Variants in PLEKHA6 observed in about 807,000 individuals in gnomAD.
PLEKHA6 encodes pleckstrin homology domain-containing family A member 6.
In PLEKHA6, 60 loss-of-function variants were observed where a neutral mutation model predicts 116.7. The ratio of observed to expected loss-of-function variants is 0.51; its 90% CI spans 0.42 to 0.64. The LOEUF (loss-of-function observed/expected upper bound fraction) is 0.64. Among genes scored for constraint, PLEKHA6 ranks in the 30% least tolerant of loss-of-function variants. PLEKHA6 has a pLI of 0.00. For missense variants in PLEKHA6, 1,338 were observed against 1,422.7 expected (o/e 0.94, Z 0.96); for synonymous variants, 489 against 556.1 (o/e 0.88, Z 1.70).
chr1:204,323,112 C>G (rs938475797), intron 1 of PLEKHA6, among the ~76,000 whole-genome samples: 4 of 152,256 alleles, frequency 2.6e-5, no homozygotes, highest in African/African-American at 9.6e-5. Flanking sequence ...CAGGCATTAA[C>G]TGTGTATCTA....
At chr1:204,352,329 C>G (rs1336957269) in intron 1 of PLEKHA6, among the ~76,000 whole-genome samples, 1 of 151,356 alleles carries the variant, frequency 6.6e-6, no homozygotes, top group African/African-American at 2.4e-5. Flanking sequence ...GAGCCAAGAT[C>G]GCACCACTGC....
chr1:204,280,491 G>T (rs1668485865), intron 1 of PLEKHA6: 51 of 982,052 alleles, frequency 5.2e-5, no homozygotes, highest in Non-Finnish European at 6.2e-5. Flanking sequence ...CATTTCCATA[G>T]CTCCTGAGAA....
chr1:204,297,288 T>A, intron 1 of PLEKHA6: 8 of 800,286 alleles, frequency 1.0e-5, no homozygotes, highest in Non-Finnish European at 1.2e-5. Context: ...TTTCTCTTGT[T>A]GGAAAGTCTC....
intron 13 of PLEKHA6, among the ~76,000 whole-genome samples, chr1:204,246,390 G>C (rs1263577257): frequency 6.6e-6 from 1 of 152,118 alleles, no homozygotes; most frequent in African/African-American, 2.4e-5. Context: ...GGTCTATTTG[G>C]ACCCGAAGTT....
chr1:204,315,528 G>A (rs943178141), intron 1 of PLEKHA6, among the ~76,000 whole-genome samples: 21 of 152,126 alleles, frequency 1.4e-4, no homozygotes, highest in Admixed American at 3.3e-4. Flanking sequence ...GGTGGACACC[G>A]TGTTAGGGCT....
intron 3 of PLEKHA6, among the ~76,000 whole-genome samples, chr1:204,272,619 C>T (rs1258011548): frequency 6.6e-6 from 1 of 152,094 alleles, no homozygotes; most frequent in African/African-American, 2.4e-5. Flanking sequence ...TCCCTCAAGC[C>T]CCTCCCCAGT....
At chr1:204,289,084 G>A (rs1486707823) in intron 1 of PLEKHA6, among the ~76,000 whole-genome samples, 2 of 152,244 alleles carry the variant, frequency 1.3e-5, no homozygotes, top group South Asian at 4.1e-4. Context: ...GAGCAGCGCC[G>A]GGCTTGTGAG....
intron 9 of PLEKHA6, chr1:204,251,560 A>G: frequency 1.4e-6 from 1 of 702,776 alleles, no homozygotes; most frequent in Non-Finnish European, 2.6e-6. Flanking sequence ...CTGGGGGAGG[A>G]GTTTTCCACC....
At chr1:204,278,680 T>A (rs1668274765) in intron 1 of PLEKHA6, among the ~76,000 whole-genome samples, 3 of 152,206 alleles carry the variant, frequency 2.0e-5, no homozygotes, top group South Asian at 2.1e-4. Context: ...ATCCAGAAGG[T>A]CAATATATTC....
rs574339154 is a variant in PLEKHA6 at position 204,245,638 on chromosome 1, C to T, written c.2009G>A (p.Gly670Asp). 1.8e-5 allele frequency: 29 copies of T among 1,612,244 alleles called. No homozygotes were observed. In the East Asian group the frequency reaches 4.7e-4, roughly 26 times the overall value. Reference protein sequence around the residue: ...EGLRKNNPSRGTDTAKHRGGL... With the variant: ...EGLRKNNPSRDTDTAKHRGGL... ...ACCTCTGTGCTTGGCGGTGTCCGTG[C>T]CCCGGGAGGGGTTGTTCTTCCTCAG... The change falls in exon 14 of 23, where the codon GGC becomes GAC. Residue 670 changes from glycine (G) to aspartate (D), a missense_variant. Physicochemically the swap from Gly to Asp is moderately conservative, Grantham distance 94. Coordinates refer to ENST00000272203, the MANE Select transcript of PLEKHA6 (RefSeq NM_014935.5).
chr1:204,335,965 C>T (rs1430953218), intron 1 of PLEKHA6, among the ~76,000 whole-genome samples: 1 of 152,212 alleles, frequency 6.6e-6, no homozygotes, highest in African/African-American at 2.4e-5. Context: ...AGGGCACATG[C>T]CCCTACATAA....
intron 1 of PLEKHA6, among the ~76,000 whole-genome samples, chr1:204,375,719 A>G (rs1673857188): frequency 6.6e-6 from 1 of 151,824 alleles, no homozygotes; most frequent in African/African-American, 2.4e-5. Context: ...CCCATCACCT[A>G]TAGGATGGAG....
intron 2 of PLEKHA6, among the ~76,000 whole-genome samples, chr1:204,370,779 C>T (rs1673758481): frequency 6.6e-6 from 1 of 152,126 alleles, no homozygotes; most frequent in Non-Finnish European, 1.5e-5. Context: ...TCCATCTGGG[C>T]ACAGTGGCTC....
intron 17 of PLEKHA6, among the ~76,000 whole-genome samples, chr1:204,239,055 G>A (rs1662452597): frequency 1.3e-5 from 2 of 152,214 alleles, no homozygotes; most frequent in Non-Finnish European, 2.9e-5. Context: ...GGAACTCTGT[G>A]AGTGGTCAAA....
chr1:204,247,535 G>A (rs1426894186), intron 12 of PLEKHA6, 75 bp from the exon 13 acceptor site: 1 of 956,576 alleles, frequency 1.0e-6, no homozygotes. Context: ...AATGGACCCT[G>A]GGGCCAGGGT....
At chr1:204,350,650 T>C (rs1299554352) in intron 1 of PLEKHA6, among the ~76,000 whole-genome samples, 1 of 152,078 alleles carries the variant, frequency 6.6e-6, no homozygotes, top group Non-Finnish European at 1.5e-5. Flanking sequence ...TTCTCTCCAT[T>C]TTACAGATGA....
At chr1:204,316,871 C>G (rs1225827523) in intron 1 of PLEKHA6, among the ~76,000 whole-genome samples, 1 of 152,172 alleles carries the variant, frequency 6.6e-6, no homozygotes, top group Admixed American at 6.5e-5. Flanking sequence ...TTTTACCAGG[C>G]GCAACTAGGG....
chr1:204,238,256 T>C lies in PLEKHA6; in HGVS notation c.2409+3119A>G, dbSNP rs1218428875. Among the ~76,000 whole-genome samples, 1 of 152,156 alleles carries C rather than the reference T, an allele frequency of 6.6e-6. No individual in the cohort carries two copies. Among genetic ancestry groups the C allele is most frequent in the Non-Finnish European group, 1.5e-5 (1 of 68,032 alleles). On this transcript the variant is annotated intron_variant, in intron 17 of 22. Transcript: ENST00000272203. This position sits in a 1 kb window ranked among gnomAD's most constrained non-coding sequence, Gnocchi z 4.2. Reference sequence around the variant, plus strand: ...CAACTGGGCCATATGACCCAGCGGATCCAATGGTGCTTGAGGTGTCAGTGA... The same window carrying C: ...CAACTGGGCCATATGACCCAGCGGACCCAATGGTGCTTGAGGTGTCAGTGA...
chr1:204,267,631 C>T, intron 4 of PLEKHA6, 84 bp from the exon 5 acceptor site: 1 of 1,172,248 alleles, frequency 8.5e-7, no homozygotes, highest in Non-Finnish European at 1.3e-6. Flanking sequence ...GGGCACAGTG[C>T]CAATTATAAG....
Sources: allele counts gnomAD v4.1 joint callset (sites outside exome capture counted in the v4.1 genomes callset), GRCh38; gene constraint gnomAD v4.1.1; non-coding constraint Gnocchi (gnomAD v3.1); transcripts MANE v1.5; gene names NCBI Gene and HGNC (gene_info 2026-07-23, HGNC 2026-07-21).